Variants in P2RY6 observed in about 807,000 individuals in gnomAD.
The protein encoded by P2RY6 is pyrimidinergic receptor P2Y6.
A neutral mutation model predicts 16.3 loss-of-function variants in P2RY6; 19 were observed. That is an observed-to-expected ratio of 1.16 (90% CI 0.81 to 1.71). The LOEUF (loss-of-function observed/expected upper bound fraction) is 1.71. Among genes scored for constraint, P2RY6 ranks in the 40% most tolerant of loss-of-function variants. The pLI, the probability that P2RY6 is intolerant of heterozygous loss-of-function variation, is 0.00. For missense variants in P2RY6, 389 were observed against 455.5 expected, an observed-to-expected ratio of 0.85 and a Z score of 1.33; for synonymous variants, 184 against 201.5, an observed-to-expected ratio of 0.91 and a Z score of 0.74.
At chr11:73,276,227 T>G (rs1863530858) in intron 1 of P2RY6, among the ~76,000 whole-genome samples, 1 of 152,142 alleles carries the variant, frequency 6.6e-6, no homozygotes, top group Non-Finnish European at 1.5e-5. Context: ...CAATAACAAG[T>G]GTTGCCGAGG....
chr11:73,293,697 T>C (rs950021301), intron 1 of P2RY6, among the ~76,000 whole-genome samples: 5 of 152,136 alleles, frequency 3.3e-5, no homozygotes, highest in African/African-American at 1.2e-4. Context: ...CCCTGAAGGT[T>C]TTCCCAGAGA....
intron 1 of P2RY6, among the ~76,000 whole-genome samples, chr11:73,285,745 T>G (rs954461326): frequency 6.6e-6 from 1 of 152,146 alleles, no homozygotes; most frequent in African/African-American, 2.4e-5. Context: ...GGTTTTGTCT[T>G]CAGGTTTGAA....
intron 1 of P2RY6, among the ~76,000 whole-genome samples, chr11:73,281,993 G>A (rs1237627479): frequency 2.6e-5 from 4 of 152,152 alleles, no homozygotes; most frequent in Non-Finnish European, 5.9e-5. Context: ...CACAGAGATG[G>A]GAGGCTCCCC....
At chr11:73,294,770 G>T (rs1374734545) in intron 1 of P2RY6, among the ~76,000 whole-genome samples, 1 of 152,206 alleles carries the variant, frequency 6.6e-6, no homozygotes, top group Non-Finnish European at 1.5e-5. Flanking sequence ...TACTTAGTAG[G>T]TACAGTAAGA....
chr11:73,289,319 G>A (rs1294206564), intron 1 of P2RY6: 1 of 152,382 alleles, frequency 6.6e-6, no homozygotes. Context: ...GTGTACCCGG[G>A]TGGAGATGGG....
chr11:73,278,410 C>T (rs1453104339), intron 1 of P2RY6, among the ~76,000 whole-genome samples: 5 of 152,096 alleles, frequency 3.3e-5, no homozygotes, highest in South Asian at 2.1e-4. Flanking sequence ...TCTGCCCACC[C>T]GCCTAGGCCT....
At chr11:73,296,247 T>C (rs1195421632) in intron 2 of P2RY6, among the ~76,000 whole-genome samples, 267 of 145,734 alleles carry the variant, frequency 1.8e-3, no homozygotes, top group African/African-American at 6.4e-3. Context: ...TATATATATA[T>C]ATATATATAT....
chr11:73,297,870 G>A lies in P2RY6; in HGVS notation c.*365G>A. The A allele has an allele frequency of 4.0e-6, 1 of 247,674 alleles. No individual in the cohort carries two copies. Among genetic ancestry groups the A allele is most frequent in the Admixed American group, 5.0e-5 (1 of 20,010 alleles). The allele number at this position is 247,674 out of a possible 1,614,324, so 15.3% of individuals were successfully genotyped here. On this transcript the variant is annotated 3_prime_UTR_variant, in exon 3 of 3. Transcript: ENST00000540124. ...GGGTGAGGGAAGATGAGAGGGGGAG[G>A]TGAGAGCTTCTGGGAAGGGGCATTT...
Position 73,296,704 on chromosome 11 carries a change from C to T in P2RY6, c.186C>T (p.Ala62=), listed in dbSNP as rs1252645833. 15 of 1,613,898 alleles carry T rather than the reference C, an allele frequency of 9.3e-6. No individual in the cohort carries two copies. The highest frequency in any genetic ancestry group is 8.0e-5 in the African/African-American group (6 of 74,920). The stretch of plus-strand genomic sequence containing the variant: ...CCCGCCGGGCCCTGACCCGCACGGC[C>T]GTGTACACCCTAAACCTTGCTCTGG... ...CTSRRALTRT[A]VYTLNLALAD... Residue 62 remains alanine, a synonymous_variant, in exon 3 of 3, where the codon GCC becomes GCT. Coordinates refer to ENST00000540124, the MANE Select transcript of P2RY6 (RefSeq NM_001277204.2).
At position 73,283,407 on chromosome 11, in the gene P2RY6, C is replaced by T. The variant is rs573374004; in HGVS notation, c.-121+10941C>T. 6.6e-5 allele frequency among the ~76,000 whole-genome samples: 10 copies of T among 152,318 alleles called. No homozygotes were observed. The East Asian group carries it at 1.5e-3, about 23-fold the overall frequency. On this transcript the variant is annotated intron_variant, in intron 1 of 2. Coordinates refer to ENST00000540124, the MANE Select transcript of P2RY6 (RefSeq NM_001277204.2). ...ACAGATGTCCTGGAGGTGCCCCTGC[C>T]GGCCCTGATCCCCACCCACCTTCCA...
upstream of P2RY6, chr11:73,271,558 T>A (rs1863309961): frequency 6.6e-6 from 1 of 150,984 alleles, no homozygotes; most frequent in South Asian, 2.1e-4. Flanking sequence ...GAACGGGAGG[T>A]TTCACAATGT....
chr11:73,289,094 G>A (rs1414256447), intron 1 of P2RY6, among the ~76,000 whole-genome samples: 1 of 152,234 alleles, frequency 6.6e-6, no homozygotes, highest in Non-Finnish European at 1.5e-5. Context: ...AAGGCCTCAG[G>A]GGATTGGGGA....
At chr11:73,275,103 A>G (rs2135700233) in intron 1 of P2RY6, among the ~76,000 whole-genome samples, 1 of 152,332 alleles carries the variant, frequency 6.6e-6, no homozygotes, top group African/African-American at 2.4e-5. Context: ...AGGCTGGGTC[A>G]GTGGCTTCTG....
intron 1 of P2RY6, among the ~76,000 whole-genome samples, chr11:73,274,793 G>A (rs913922790): frequency 3.9e-5 from 6 of 152,180 alleles, no homozygotes; most frequent in African/African-American, 9.7e-5. Flanking sequence ...CAGAGGACCC[G>A]GGGCCTGTCG....
At chr11:73,291,874 T>G (rs1864264819) in intron 1 of P2RY6, among the ~76,000 whole-genome samples, 1 of 151,790 alleles carries the variant, frequency 6.6e-6, no homozygotes, top group African/African-American at 2.4e-5. Flanking sequence ...AAAGGTGGAG[T>G]AAGAACCTGG....
intron 1 of P2RY6, among the ~76,000 whole-genome samples, chr11:73,280,482 A>G (rs1863713935): frequency 6.6e-6 from 1 of 152,140 alleles, no homozygotes; most frequent in Non-Finnish European, 1.5e-5. Flanking sequence ...TTTTGCCTCT[A>G]CATACACTTG....
In P2RY6 at chr11:73,298,540, G is replaced by C. The variant is rs1864601121; in HGVS notation, c.*1035G>C. ...AGCAATTTGGGAGGCCAAGGAAGGA[G>C]GAATGCTTGAGCCCAAGAGTTTTAG... On this transcript the variant is annotated 3_prime_UTR_variant, in exon 3 of 3. Coordinates refer to ENST00000540124, the MANE Select transcript of P2RY6 (RefSeq NM_001277204.2). 1 of 166,666 alleles carries C rather than the reference G, an allele frequency of 6.0e-6. No individual in the cohort carries two copies. Among genetic ancestry groups the C allele is most frequent in the African/African-American group, 2.4e-5 (1 of 41,464 alleles). The allele number at this position is 166,666 out of a possible 1,614,324, so 10.3% of individuals were successfully genotyped here.
chr11:73,275,751 A>C (rs1863510222), intron 1 of P2RY6, among the ~76,000 whole-genome samples: 1 of 152,196 alleles, frequency 6.6e-6, no homozygotes, highest in Non-Finnish European at 1.5e-5. Context: ...TATAGATTAA[A>C]AGCTAAACAG....
At chr11:73,288,694 T>C (rs1257267284) in intron 1 of P2RY6, among the ~76,000 whole-genome samples, 1 of 152,210 alleles carries the variant, frequency 6.6e-6, no homozygotes, top group African/African-American at 2.4e-5. Flanking sequence ...ATTGGGTTGA[T>C]GACTGGGGCA....
Sources: gnomAD v4.1 joint callset for allele counts (sites outside exome capture counted in the v4.1 genomes callset) on GRCh38, gnomAD v4.1.1 for gene constraint, MANE v1.5 for transcripts, NCBI Gene and HGNC (gene_info 2026-07-23, HGNC 2026-07-21) for gene names.